Variants in UST observed in about 807,000 individuals in gnomAD.
UST encodes the protein chondroitin sulfate 2-O-sulfotransferase.
Under a neutral mutation model 45.6 loss-of-function variants are expected in UST, and 21 were observed. The ratio of observed to expected loss-of-function variants is 0.46; its 90% confidence interval spans 0.33 to 0.66. The LOEUF (loss-of-function observed/expected upper bound fraction) is 0.66, where lower values mean the gene tolerates loss of function less well. UST is among the 30% of genes least tolerant of loss of function. The pLI is 0.02. For missense variants in UST, 463 were observed against 512.4 expected, an observed-to-expected ratio of 0.90 and a Z score of 0.93; for synonymous variants, 215 against 200.6, an observed-to-expected ratio of 1.07 and a Z score of -0.61.
chr6:148,865,287 A>T (rs1778403788), intron 1 of UST, among the ~76,000 whole-genome samples: 1 of 152,120 alleles, frequency 6.6e-6, no homozygotes, highest in Admixed American at 6.5e-5. Flanking sequence ...TGGTCTCTGG[A>T]GTGGAGTAAC....
intron 2 of UST, among the ~76,000 whole-genome samples, chr6:148,919,978 TG>T (rs1395313653): frequency 5.3e-4 from 81 of 152,350 alleles, no homozygotes; most frequent in Non-Finnish European, 9.6e-4. Flanking sequence ...ATATGATTCA[TG>T]GATCAGGCAG....
chr6:148,930,323 A>G (rs967275332), intron 2 of UST, among the ~76,000 whole-genome samples: 3 of 152,220 alleles, frequency 2.0e-5, no homozygotes, highest in African/African-American at 7.2e-5. Context: ...AGTGCCTACT[A>G]TGTGCCAGGC....
intron 2 of UST, among the ~76,000 whole-genome samples, chr6:148,933,503 G>A (rs919358838): frequency 6.6e-6 from 1 of 152,180 alleles, no homozygotes; most frequent in Non-Finnish European, 1.5e-5. Context: ...CATAGCTCTT[G>A]GAGAAGATGG....
chr6:148,820,535 C>T (rs1254493749), intron 1 of UST, among the ~76,000 whole-genome samples: 1 of 152,050 alleles, frequency 6.6e-6, no homozygotes, highest in Non-Finnish European at 1.5e-5. Context: ...CTATTGAATG[C>T]ATAAACCCCA....
intron 3 of UST, among the ~76,000 whole-genome samples, chr6:148,946,529 A>AAAAAAAAAAAT (rs1780241295): frequency 7.4e-6 from 1 of 135,330 alleles, no homozygotes; most frequent in African/African-American, 2.8e-5. Flanking sequence ...AAAAAAAAAA[A>AAAAAAAAAAAT]GGCCGGGTGC....
intron 1 of UST, among the ~76,000 whole-genome samples, chr6:148,759,884 A>G (rs1776178803): frequency 6.7e-6 from 1 of 149,746 alleles, no homozygotes; most frequent in Admixed American, 6.6e-5. Flanking sequence ...CCCTGAGGTA[A>G]TTTTTCTGTG....
chr6:148,859,587 G>T (rs1778268678), intron 1 of UST, among the ~76,000 whole-genome samples: 1 of 152,300 alleles, frequency 6.6e-6, no homozygotes, highest in East Asian at 1.9e-4. Flanking sequence ...GTCCTGAATG[G>T]TATTGCCTAG....
In UST at chr6:148,950,990, A is replaced by C. The variant is rs200352840; in HGVS notation, c.448-2882A>C. 3.3e-5 allele frequency among the ~76,000 whole-genome samples: 5 copies of C among 152,370 alleles called. No homozygotes were observed. The East Asian group carries it at 9.6e-4, about 29-fold the overall frequency. ...GGCTACTTGGAGGGGTAGATATTTTAGCCAGAGGTGAAGAGTGGTTAGTAT... is the reference window on the plus strand; with the variant it reads ...GGCTACTTGGAGGGGTAGATATTTTCGCCAGAGGTGAAGAGTGGTTAGTAT... On this transcript the variant is annotated intron_variant, in intron 3 of 7. Coordinates refer to ENST00000367463, the MANE Select transcript of UST (RefSeq NM_005715.3).
At chr6:148,825,148 TG>T (rs1184372255) in intron 1 of UST, among the ~76,000 whole-genome samples, 1 of 152,000 alleles carries the variant, frequency 6.6e-6, no homozygotes, top group African/African-American at 2.4e-5. Context: ...AGAGGTGGGG[TG>T]ACACATCCCC....
chr6:148,773,457 G>A (rs1266149803), intron 1 of UST, among the ~76,000 whole-genome samples: 3 of 147,548 alleles, frequency 2.0e-5, no homozygotes, highest in Non-Finnish European at 4.5e-5. Context: ...GCAAAACTCT[G>A]TCTCAAAAAA....
At chr6:149,059,229 GTCTA>G (rs1330145941) in intron 7 of UST, among the ~76,000 whole-genome samples, 2 of 152,208 alleles carry the variant, frequency 1.3e-5, no homozygotes, top group African/African-American at 4.8e-5. Flanking sequence ...TCATGTTCAA[GTCTA>G]GGCATTAGGA....
At chr6:148,783,014 G>A (rs1002518532) in intron 1 of UST, among the ~76,000 whole-genome samples, 2 of 152,114 alleles carry the variant, frequency 1.3e-5, no homozygotes, top group South Asian at 2.1e-4. Context: ...GGCAAACTTC[G>A]TTGTTGTCTT....
chr6:148,819,867 A>ATTAT (rs1777423095), intron 1 of UST, among the ~76,000 whole-genome samples: 2 of 152,202 alleles, frequency 1.3e-5, no homozygotes, highest in Non-Finnish European at 2.9e-5. Flanking sequence ...CTTATTATCT[A>ATTAT]CACCTCCTTC....
At chr6:149,037,214 A>G (rs892668613) in intron 7 of UST, among the ~76,000 whole-genome samples, 2 of 152,192 alleles carry the variant, frequency 1.3e-5, no homozygotes. Context: ...AGCAGCTCAT[A>G]TAACAAATGT....
intron 1 of UST, among the ~76,000 whole-genome samples, chr6:148,877,527 G>A (rs1347797903): frequency 9.7e-6 from 1 of 102,836 alleles, no homozygotes; most frequent in Non-Finnish European, 2.0e-5. Flanking sequence ...GTGTGTGGGG[G>A]CAGGGGATCG....
At chr6:148,942,999 C>T (rs1780158797) in intron 3 of UST, among the ~76,000 whole-genome samples, 1 of 134,848 alleles carries the variant, frequency 7.4e-6, no homozygotes. Context: ...AAGGATATTG[C>T]ATTTTATGTA....
chr6:148,875,038 A>G (rs1052753573), intron 1 of UST, among the ~76,000 whole-genome samples: 11 of 152,244 alleles, frequency 7.2e-5, no homozygotes, highest in Non-Finnish European at 1.2e-4. Flanking sequence ...GCTTCTGAAT[A>G]AAAGGGGAAG....
chr6:149,018,522 A>G (rs746693656), intron 5 of UST, among the ~76,000 whole-genome samples: 8 of 152,184 alleles, frequency 5.3e-5, no homozygotes, highest in Non-Finnish European at 1.2e-4. Context: ...AGCTCTGGTA[A>G]CGCCCTCAGA....
At chr6:148,883,253 T>C (rs1439483028) in intron 1 of UST, among the ~76,000 whole-genome samples, 1 of 152,236 alleles carries the variant, frequency 6.6e-6, no homozygotes. Flanking sequence ...GTCAAAGGTA[T>C]GCCATAGGAC....
Sources: gnomAD v4.1 joint callset for allele counts (sites outside exome capture counted in the v4.1 genomes callset) on GRCh38, gnomAD v4.1.1 for gene constraint, MANE v1.5 for transcripts, NCBI Gene and HGNC (gene_info 2026-07-23, HGNC 2026-07-21) for gene names.